Variants in CCT8 observed in about 807,000 individuals in gnomAD.
CCT8 encodes the protein chaperonin containing TCP1 subunit 8, also known as T-complex protein 1 subunit theta.
In CCT8, 10 loss-of-function variants were observed where a neutral mutation model predicts 65.7. That is an observed-to-expected ratio of 0.15 (90% CI 0.09 to 0.26). The LOEUF is 0.26. CCT8 is among the 10% of genes least tolerant of loss of function. The pLI is 1.00. For missense variants in CCT8, 568 were observed against 669.1 expected, an observed-to-expected ratio of 0.85 and a Z score of 1.67; for synonymous variants, 199 against 221.8, an observed-to-expected ratio of 0.90 and a Z score of 0.92.
chr21:29,058,652 T>G (rs2085530745), intron 14 of CCT8, among the ~76,000 whole-genome samples: 1 of 148,860 alleles, frequency 6.7e-6, no homozygotes, highest in South Asian at 2.1e-4. Flanking sequence ...AGTACAGTGG[T>G]GCCATCTCTA....
In CCT8 at chr21:29,067,708, A is replaced by C. The variant is rs764027889; in HGVS notation, c.232-3T>G. ...ATTTTTGCAGCAGGATGCTGTACCT[A>C]GTAGAAAAGGTAATATCAAGTTAAA... On this transcript the variant is annotated splice_polypyrimidine_tract_variant and splice_region_variant and intron_variant, in intron 3 of 14. Transcript: ENST00000286788. The C allele has an allele frequency of 7.4e-7, 1 of 1,352,968 alleles. No individual in the cohort carries two copies. 83.8% of individuals were successfully genotyped at this position (1,352,968 alleles called of 1,614,324 possible).
At chr21:29,073,367 T>G (rs186940227) in intron 1 of CCT8, 164 bp downstream of exon 1, 1 of 1,435,760 alleles carries the variant, frequency 7.0e-7, no homozygotes, top group Non-Finnish European at 9.1e-7. Context: ...CAGGCTCCGG[T>G]GGCCGAGCCC....
intron 14 of CCT8, among the ~76,000 whole-genome samples, chr21:29,057,129 A>C (rs2085506564): frequency 6.6e-6 from 1 of 150,384 alleles, no homozygotes. Context: ...AGCGCCACAA[A>C]CCTCACCTTA....
At chr21:29,071,912 A>C (rs903496318) in intron 1 of CCT8, 3 of 700,978 alleles carry the variant, frequency 4.3e-6, no homozygotes, top group African/African-American at 3.5e-5. Flanking sequence ...ACAAGGCCCT[A>C]CGTATCCCGG....
intron 1 of CCT8, chr21:29,073,264 G>T (rs1293493372): frequency 1.6e-6 from 2 of 1,280,504 alleles, no homozygotes; most frequent in African/African-American, 3.0e-5. Context: ...ACGCACGCGC[G>T]GCTTCACATC....
At chr21:29,073,320 C>A in intron 1 of CCT8, 2 of 1,410,874 alleles carry the variant, frequency 1.4e-6, no homozygotes, top group South Asian at 3.0e-5. Context: ...GCCGATCCCT[C>A]GGCCTTCTCC....
In CCT8 at chr21:29,062,210, A is replaced by C. The variant is rs2085571619; in HGVS notation, c.1130T>G (p.Leu377Arg). 1 of 1,613,816 alleles carries C rather than the reference A, an allele frequency of 6.2e-7. No homozygotes were observed. Reference sequence around the variant, plus strand: ...CATCAGATTGTCTGTAGAGCCTCGAAGTACTATGGTAGAAATGGCGCCATC... The same window carrying C: ...CATCAGATTGTCTGTAGAGCCTCGACGTACTATGGTAGAAATGGCGCCATC... ...KEDGAISTIV[L>R]RGSTDNLMDD... The change falls in exon 11 of 15, where the codon CTT becomes CGT. Residue 377 changes from leucine to arginine, a missense_variant. Transcript: ENST00000286788.
Position 29,065,098 on chromosome 21 carries a change from C to G in CCT8, c.632G>C (p.Gly211Ala), listed in dbSNP as rs1386473156. 1 of 1,613,738 alleles carries G rather than the reference C, an allele frequency of 6.2e-7. No individual in the cohort carries two copies. The highest frequency in any genetic ancestry group is 8.5e-7 in the Non-Finnish European group (1 of 1,179,890). ...NIRVCKILGSGISSSSVLHGM... is the reference protein window; with the variant it reads ...NIRVCKILGSAISSSSVLHGM... ...ATGCAATACTGAAGAGGAACTGATA[C>G]CAGAGCCCTAAGGAATTGAATACCA... Residue 211 changes from glycine to alanine, a missense_variant, in exon 7 of 15, where the codon GGT becomes GCT. By Grantham distance (60) the Gly-to-Ala change is moderately conservative. Coordinates refer to ENST00000286788, the MANE Select transcript of CCT8 (RefSeq NM_006585.4).
At chr21:29,061,215 C>T (rs1015633894) in intron 13 of CCT8, 38 bp downstream of exon 13, 3 of 1,524,600 alleles carry the variant, frequency 2.0e-6, no homozygotes, top group Non-Finnish European at 1.8e-6. Flanking sequence ...GTGCATTCCC[C>T]AAATAAAGCA....
Position 29,061,242 on chromosome 21 carries a change from T to TG in CCT8, c.1449+10_1449+11insC, listed in dbSNP as rs1468967375. On this transcript the variant is annotated intron_variant, in intron 13 of 14. Transcript: ENST00000286788. The stretch of plus-strand genomic sequence containing the variant: ...AATAAAGCAATTTAAGTTCAGTGTT[T>TG]TTTCAAATACCTCAATATCTAATCC... 1 of 1,604,538 alleles carries TG rather than the reference T, an allele frequency of 6.2e-7. No individual in the cohort carries two copies. The highest frequency in any genetic ancestry group is 8.5e-7 in the Non-Finnish European group (1 of 1,172,834).
intron 13 of CCT8, among the ~76,000 whole-genome samples, chr21:29,060,924 T>A (rs1020241577): frequency 6.6e-6 from 1 of 152,304 alleles, no homozygotes; most frequent in South Asian, 2.1e-4. Flanking sequence ...CTTTAAATCG[T>A]CTCCAGATTA....
At position 29,067,688 on chromosome 21, in the gene CCT8, T is replaced by C; in HGVS notation, c.249A>G (p.Ala83=). The C allele has an allele frequency of 7.3e-7, 1 of 1,370,792 alleles. No individual in the cohort carries two copies. Among genetic ancestry groups the C allele is most frequent in the South Asian group, 2.2e-5 (1 of 45,692 alleles). 84.9% of individuals were successfully genotyped at this position (1,370,792 alleles called of 1,614,324 possible). ...LRELEVQHPA[A]KMIVMASHMQ... ...TATGAGAAGCCATTACAATCATTTT[T>C]GCAGCAGGATGCTGTACCTAGTAGA... The change falls in exon 4 of 15, where the codon GCA becomes GCG. Residue 83 remains alanine (A), a synonymous_variant. Coordinates refer to ENST00000286788, the MANE Select transcript of CCT8 (RefSeq NM_006585.4).
At chr21:29,068,624 T>A (rs1271999843) in intron 3 of CCT8, among the ~76,000 whole-genome samples, 1 of 152,114 alleles carries the variant, frequency 6.6e-6, no homozygotes, top group East Asian at 1.9e-4. Flanking sequence ...CACGCCCGGC[T>A]GATTTTGTTT....
chr21:29,073,427 G>A lies in CCT8; in HGVS notation c.60+104C>T, dbSNP rs761904503. The A allele has an allele frequency of 1.2e-5, 19 of 1,581,826 alleles. No individual in the cohort carries two copies. The Admixed American group carries it at 1.8e-4, about 15-fold the overall frequency. On this transcript the variant is annotated intron_variant, in intron 1 of 14. Transcript: ENST00000286788. ...AATCTTCTCTTCCCCCGGCCGCTGA[G>A]CCAGGGCAGCACGCTCAGCCCGTTA...
chr21:29,073,584 G>A lies in CCT8; in HGVS notation c.7C>T (p.Leu3Phe), dbSNP rs2085708932. 6.2e-7 allele frequency: 1 copy of A among 1,613,980 alleles called. No homozygotes were observed. The highest frequency in any genetic ancestry group is 1.1e-5 in the South Asian group (1 of 91,094). MALHVPKAPGFAQ... is the reference protein window; with the variant it reads MAFHVPKAPGFAQ... ...AAGCCCGGAGCCTTGGGAACGTGAA[G>A]CGCCATGGCCAGCCTGCAGGAAGCA... The change falls in exon 1 of 15, where the codon CTT (leucine) becomes TTT (phenylalanine). Residue 3 changes from leucine (L) to phenylalanine (F), a missense_variant. By Grantham distance (22) the Leu-to-Phe change is conservative. Coordinates refer to ENST00000286788, the MANE Select transcript of CCT8 (RefSeq NM_006585.4).
Position 29,056,487 on chromosome 21 carries a change from GTCA to G in CCT8, c.1632_1634del (p.Asp545del). 2 of 1,520,632 alleles carry G rather than the reference GTCA, an allele frequency of 1.3e-6. No homozygotes were observed. The highest frequency in any genetic ancestry group is 1.8e-6 in the Non-Finnish European group (2 of 1,131,708). The allele number at this position is 1,520,632 out of a possible 1,614,324, so 94.2% of individuals were successfully genotyped here. On this transcript the variant is annotated inframe_deletion, in exon 15 of 15. Transcript: ENST00000286788. ...AATTAAGCCAATTTCAATCATTTTG[GTCA>G]TCATCCCAGTCTTTCTTCCCACTTG...
chr21:29,060,640 C>T lies in CCT8; in HGVS notation c.1470G>A (p.Lys490=). The T allele has an allele frequency of 6.2e-7, 1 of 1,613,598 alleles. No individual in the cohort carries two copies. The highest frequency in any genetic ancestry group is 1.1e-5 in the South Asian group (1 of 90,994). ...CTAGAATACCAGCTTCCAGCATGTC[C>T]TTTACAGCAGGGACTTCAGCCTGTC... ...LDIEAEVPAV[K]DMLEAGILDT... The change falls in exon 14 of 15, where the codon AAG becomes AAA. Residue 490 remains lysine, a synonymous_variant. Transcript: ENST00000286788.
intron 7 of CCT8, among the ~76,000 whole-genome samples, chr21:29,064,071 T>G (rs1257161869): frequency 6.6e-6 from 1 of 152,188 alleles, no homozygotes; most frequent in African/African-American, 2.4e-5. Flanking sequence ...GAAGTGCTTT[T>G]ATTTTAAATA....
chr21:29,057,818 CATATG>C (rs569324487), intron 14 of CCT8, among the ~76,000 whole-genome samples: 279 of 149,138 alleles, frequency 1.9e-3, no homozygotes, highest in Non-Finnish European at 1.7e-3. Context: ...ATGATATATA[CATATG>C]ATATGTGTGA....
Sources: gnomAD v4.1 joint callset for allele counts (sites outside exome capture counted in the v4.1 genomes callset) on GRCh38, gnomAD v4.1.1 for gene constraint, MANE v1.5 for transcripts, NCBI Gene and HGNC (gene_info 2026-07-23, HGNC 2026-07-21) for gene names.